The following SCHIP1 variants were observed in gnomAD, a reference collection of about 807,000 sequenced individuals.
SCHIP1 encodes the protein schwannomin interacting protein 1, also known as schwannomin-interacting protein 1.
SCHIP1 carries 8 observed loss-of-function variants against 29.7 expected under a neutral mutation model. That is an observed-to-expected ratio of 0.27 (90% CI 0.16 to 0.49). The LOEUF (loss-of-function observed/expected upper bound fraction) is 0.49. Ranked by LOEUF, SCHIP1 falls within the 20% of genes least tolerant of loss-of-function variation. SCHIP1 has a pLI of 0.99. For synonymous variants in SCHIP1, 76 were observed against 94.9 expected (o/e 0.80, Z 1.16); for missense variants, 193 against 294.6 (o/e 0.66, Z 2.52).
chr3:159,887,642 C>T, intron 3 of SCHIP1, 66 bp from the exon 5 acceptor site: 2 of 1,578,746 alleles, frequency 1.3e-6, no homozygotes, highest in South Asian at 1.1e-5. Context: ...GATGTTGTAG[C>T]CCATCTCTAA....
chr3:159,584,710 G>C, the SCHIP1 span, among the ~76,000 whole-genome samples: 1 of 152,066 alleles, frequency 6.6e-6, no homozygotes, highest in Non-Finnish European at 1.5e-5. Flanking sequence ...ATATCACCTG[G>C]GAATTTGTTA....
At chr3:159,815,975 A>G in the SCHIP1 span, among the ~76,000 whole-genome samples, 1 of 136,828 alleles carries the variant, frequency 7.3e-6, no homozygotes, top group Non-Finnish European at 1.6e-5. Flanking sequence ...TTGAGACAGC[A>G]TCTCTCTCTG....
At chr3:159,881,307 A>G (rs1716413358) in intron 2 of SCHIP1, among the ~76,000 whole-genome samples, 1 of 152,262 alleles carries the variant, frequency 6.6e-6, no homozygotes, top group Non-Finnish European at 1.5e-5. Flanking sequence ...TATTCATTAT[A>G]TATAAAATCT....
chr3:159,342,516 T>C, the SCHIP1 span, among the ~76,000 whole-genome samples: 16 of 152,350 alleles, frequency 1.1e-4, no homozygotes, highest in African/African-American at 3.6e-4. Context: ...ATATCACCTA[T>C]AATACAATAT....
the SCHIP1 span, among the ~76,000 whole-genome samples, chr3:159,461,113 C>G: frequency 6.6e-6 from 1 of 152,160 alleles, no homozygotes. Flanking sequence ...GGTCAGCACT[C>G]TGCTGGGCAC....
At chr3:159,442,413 C>G in the SCHIP1 span, among the ~76,000 whole-genome samples, 4 of 152,104 alleles carry the variant, frequency 2.6e-5, no homozygotes, top group Non-Finnish European at 5.9e-5. Context: ...TGTTGGAGAT[C>G]CAGAGTCTAG....
chr3:159,430,300 G>A, the SCHIP1 span, among the ~76,000 whole-genome samples: 1,808 of 152,312 alleles, frequency 0.012, 10 homozygotes, highest in Non-Finnish European at 0.016. Context: ...GCCTAGGCAT[G>A]TGGAAAATTT....
At chr3:159,664,661 G>A in the SCHIP1 span, among the ~76,000 whole-genome samples, 19 of 152,336 alleles carry the variant, frequency 1.2e-4, no homozygotes, top group African/African-American at 4.6e-4. Flanking sequence ...CAGGCAAAAG[G>A]AAGGTGTGTT....
At chr3:159,295,160 A>C in the SCHIP1 span, among the ~76,000 whole-genome samples, 2 of 151,130 alleles carry the variant, frequency 1.3e-5, no homozygotes, top group African/African-American at 4.9e-5. Flanking sequence ...ATTTAATTTA[A>C]TAATCCCAGC....
the SCHIP1 span, among the ~76,000 whole-genome samples, chr3:159,441,888 G>A: frequency 2.0e-5 from 3 of 151,964 alleles, no homozygotes; most frequent in East Asian, 1.9e-4. Context: ...TTAGAGATAG[G>A]GTTTCCCTAT....
the SCHIP1 span, among the ~76,000 whole-genome samples, chr3:159,341,237 C>G: frequency 5.3e-5 from 8 of 151,030 alleles, no homozygotes; most frequent in South Asian, 1.7e-3. Flanking sequence ...CCTTACTGCC[C>G]TATGCTCTCT....
At chr3:159,479,331 C>CA in the SCHIP1 span, among the ~76,000 whole-genome samples, 1,358 of 150,766 alleles carry the variant, frequency 9.0e-3, 15 homozygotes, top group African/African-American at 0.031. Flanking sequence ...AAATAAAGTT[C>CA]AAAAAAAAAT....
the SCHIP1 span, among the ~76,000 whole-genome samples, chr3:159,422,593 C>G: frequency 1.8e-3 from 277 of 152,258 alleles, no homozygotes; most frequent in Admixed American, 4.3e-3. Context: ...GTTCAAGAGC[C>G]CTTCCAATCA....
the SCHIP1 span, among the ~76,000 whole-genome samples, chr3:159,550,974 CT>C: frequency 1.3e-5 from 2 of 152,014 alleles, no homozygotes; most frequent in Non-Finnish European, 2.9e-5. Context: ...TCAATGAGAT[CT>C]TTTTATTATG....
At chr3:159,499,625 T>C in the SCHIP1 span, among the ~76,000 whole-genome samples, 1 of 152,274 alleles carries the variant, frequency 6.6e-6, no homozygotes, top group South Asian at 2.1e-4. Flanking sequence ...GCAAATTATG[T>C]AGCCCCACCT....
the SCHIP1 span, among the ~76,000 whole-genome samples, chr3:159,810,840 A>G: frequency 6.6e-6 from 1 of 152,348 alleles, no homozygotes; most frequent in Non-Finnish European, 1.5e-5. Context: ...GAATTGCAAG[A>G]TCATATGGTA....
chr3:159,733,769 C>T, the SCHIP1 span, among the ~76,000 whole-genome samples: 1 of 152,140 alleles, frequency 6.6e-6, no homozygotes, highest in Non-Finnish European at 1.5e-5. Flanking sequence ...TGTTTTATCA[C>T]GAGGGATTTG....
the SCHIP1 span, among the ~76,000 whole-genome samples, chr3:159,813,749 C>T: frequency 6.6e-6 from 1 of 152,080 alleles, no homozygotes; most frequent in Non-Finnish European, 1.5e-5. Context: ...CTTACTCTTT[C>T]CTCTATATCT....
the SCHIP1 span, among the ~76,000 whole-genome samples, chr3:159,551,121 C>T: frequency 6.6e-6 from 1 of 152,092 alleles, no homozygotes; most frequent in South Asian, 2.1e-4. Context: ...GATGGCTAAA[C>T]ATTTTTCTGG....
Sources: gnomAD v4.1 joint callset for allele counts (sites outside exome capture counted in the v4.1 genomes callset) on GRCh38, gnomAD v4.1.1 for gene constraint, MANE v1.5 for transcripts, NCBI Gene and HGNC (gene_info 2026-07-23, HGNC 2026-07-21) for gene names.